DAB2IP: variants seen among roughly 807,000 people sequenced by gnomAD.
The protein encoded by DAB2IP is disabled homolog 2-interacting protein.
In DAB2IP, 28 loss-of-function variants were observed where a neutral mutation model predicts 107.2. That is an observed-to-expected ratio of 0.26 (90% confidence interval 0.19 to 0.36). The LOEUF is 0.36. Ranked by LOEUF, DAB2IP falls within the 10% of genes least tolerant of loss-of-function variation. The pLI is 1.00. For synonymous variants in DAB2IP, 755 were observed against 706.4 expected, an observed-to-expected ratio of 1.07 and a Z score of -1.09; for missense variants, 1,400 against 1,644.7, an observed-to-expected ratio of 0.85 and a Z score of 2.57.
exon 12 of DAB2IP, chr9:121,773,294 CCCACCCCCGCCG>C (rs753100076): frequency 6.6e-7 from 1 of 1,520,698 alleles, no homozygotes; most frequent in Non-Finnish European, 8.8e-7. Flanking sequence ...AGCCTCCGCC[CCCACCCCCGCCG>C]CCACCTCCTG....
exon 16 of DAB2IP, chr9:121,783,355 C>A: frequency 6.8e-7 from 1 of 1,479,668 alleles, no homozygotes; most frequent in Non-Finnish European, 8.9e-7. Flanking sequence ...GCTCTGAGCA[C>A]TGTATCTGCC....
intron 2 of DAB2IP, among the ~76,000 whole-genome samples, chr9:121,689,524 A>G (rs183403912): frequency 4.1e-4 from 55 of 134,824 alleles, no homozygotes; most frequent in African/African-American, 1.5e-3. Context: ...CCCTCCCACT[A>G]GTGTTTACTG....
At chr9:121,652,284 C>G (rs898585480) in intron 1 of DAB2IP, among the ~76,000 whole-genome samples, 3 of 152,180 alleles carry the variant, frequency 2.0e-5, no homozygotes, top group African/African-American at 4.8e-5. Context: ...TTCTTTCTTC[C>G]CTTTCCAGGA....
chr9:121,593,656 CTTTTTTCTTT>C (rs1564688822), intron 1 of DAB2IP, among the ~76,000 whole-genome samples: 2 of 134,498 alleles, frequency 1.5e-5, no homozygotes, highest in Non-Finnish European at 3.1e-5. Context: ...TCTTTTTTTT[CTTTTTTCTTT>C]TTTTTTCTTT....
intron 3 of DAB2IP, among the ~76,000 whole-genome samples, chr9:121,713,110 G>A (rs1830416979): frequency 6.6e-6 from 1 of 152,196 alleles, no homozygotes; most frequent in Non-Finnish European, 1.5e-5. Context: ...ACACCAGCTA[G>A]GAAGGTGGCA....
At chr9:121,653,284 A>AGCCTTTAGT (rs1229123705) in intron 1 of DAB2IP, among the ~76,000 whole-genome samples, 4 of 149,578 alleles carry the variant, frequency 2.7e-5, no homozygotes, top group South Asian at 2.2e-4. Context: ...GGGAGTACTA[A>AGCCTTTAGT]AGACCTGGGG....
chr9:121,658,962 C>G (rs1226384643), intron 1 of DAB2IP, among the ~76,000 whole-genome samples: 2 of 152,360 alleles, frequency 1.3e-5, no homozygotes, highest in Non-Finnish European at 2.9e-5. Context: ...TCCCTCTTCT[C>G]TTCTCCCTGA....
chr9:121,705,613 G>A (rs1830021903), intron 3 of DAB2IP, among the ~76,000 whole-genome samples: 1 of 152,208 alleles, frequency 6.6e-6, no homozygotes, highest in Non-Finnish European at 1.5e-5. Flanking sequence ...GCATACTTGT[G>A]TGCATGTGTG....
In DAB2IP at chr9:121,611,654, G is replaced by A. The variant is rs1260992558; in HGVS notation, c.40+44426G>A. ...GGCTGGAGTGCAGTGGTGTGATTTC[G>A]GCTCACTGCAACCTCTGCCTCCTGG... On this transcript the variant is annotated intron_variant, in intron 1 of 16. Coordinates refer to the DAB2IP transcript ENST00000259371. 3.3e-5 allele frequency among the ~76,000 whole-genome samples: 5 copies of A among 151,834 alleles called. No homozygotes were observed. The South Asian group carries it at 6.3e-4, about 19-fold the overall frequency.
intron 1 of DAB2IP, among the ~76,000 whole-genome samples, chr9:121,671,172 A>T (rs1055568353): frequency 5.3e-5 from 8 of 151,490 alleles, no homozygotes; most frequent in African/African-American, 1.9e-4. Flanking sequence ...AACAAAACAA[A>T]ACAAAGAACA....
chr9:121,761,828 G>A (rs1161621283), intron 6 of DAB2IP, among the ~76,000 whole-genome samples: 1 of 152,152 alleles, frequency 6.6e-6, no homozygotes, highest in Non-Finnish European at 1.5e-5. Flanking sequence ...AGGACCCATG[G>A]GCACCAGAGA....
At chr9:121,724,454 C>T (rs1831114958) in intron 3 of DAB2IP, among the ~76,000 whole-genome samples, 1 of 152,238 alleles carries the variant, frequency 6.6e-6, no homozygotes, top group African/African-American at 2.4e-5. Flanking sequence ...CTCCCATCCT[C>T]TAGCCAGGAC....
At chr9:121,724,362 C>T (rs1831106679) in intron 3 of DAB2IP, among the ~76,000 whole-genome samples, 1 of 151,960 alleles carries the variant, frequency 6.6e-6, no homozygotes, top group South Asian at 2.1e-4. Flanking sequence ...CTTCCTGGAA[C>T]ATTCTTTGTT....
intron 3 of DAB2IP, among the ~76,000 whole-genome samples, chr9:121,750,596 C>T (rs1833046659): frequency 6.6e-6 from 1 of 152,178 alleles, no homozygotes; most frequent in Admixed American, 6.5e-5. Flanking sequence ...TCCCTCTGAG[C>T]TTTCGAGATT....
At chr9:121,738,880 G>A (rs1376857881) in intron 3 of DAB2IP, among the ~76,000 whole-genome samples, 2 of 152,212 alleles carry the variant, frequency 1.3e-5, no homozygotes, top group Non-Finnish European at 2.9e-5. Context: ...CGTAGAGCTT[G>A]GCCACACACA....
At chr9:121,625,328 C>T (rs2119003586) in intron 1 of DAB2IP, among the ~76,000 whole-genome samples, 1 of 151,470 alleles carries the variant, frequency 6.6e-6, no homozygotes, top group East Asian at 1.9e-4. Context: ...AAGCCTCTGC[C>T]TCCTGGGTTT....
At position 121,691,530 on chromosome 9, in the gene DAB2IP, A is replaced by C. The variant is rs573779162; in HGVS notation, c.229-7795A>C. Among the ~76,000 whole-genome samples the C allele has an allele frequency of 3.7e-3, 566 of 152,264 alleles. 5 individuals are homozygous for C. The highest frequency in any genetic ancestry group is 5.3e-3 in the Non-Finnish European group (360 of 68,028). On this transcript the variant is annotated intron_variant, in intron 2 of 15. Coordinates refer to ENST00000408936, the Ensembl canonical transcript of DAB2IP. ...GAGAGACTCCATGTCAAAAAAAAAA[A>C]AAAAAACTATGACCATGAAAGTGAT...
In DAB2IP at chr9:121,567,537, G is replaced by T. The variant is rs181357087; in HGVS notation, c.40+309G>T. 6.6e-5 allele frequency among the ~76,000 whole-genome samples: 10 copies of T among 152,350 alleles called. 1 individual carries two copies. In the East Asian group the frequency reaches 1.7e-3, roughly 26 times the overall value. ...AGGAAGGAAGTTTTGCAGCCCCCCT[G>T]CCTGTCTGCCTACCTCGCTGTTCGC... On this transcript the variant is annotated intron_variant, in intron 1 of 16. Coordinates refer to the DAB2IP transcript ENST00000259371.
chr9:121,584,446 G>A (rs914980287), intron 1 of DAB2IP, among the ~76,000 whole-genome samples: 1 of 151,958 alleles, frequency 6.6e-6, no homozygotes, highest in African/African-American at 2.4e-5. Flanking sequence ...GAGTTCCATG[G>A]CTCAAGTAGT....
Sources: allele counts gnomAD v4.1 joint callset (sites outside exome capture counted in the v4.1 genomes callset), GRCh38; gene constraint gnomAD v4.1.1; transcripts MANE v1.5; gene names NCBI Gene and HGNC (gene_info 2026-07-23, HGNC 2026-07-21).